The following CEP120 variants were observed in gnomAD, a reference collection of about 807,000 sequenced individuals.
CEP120 encodes the protein centrosomal protein of 120 kDa.
Under a neutral mutation model 126.5 loss-of-function variants are expected in CEP120, and 113 were observed. The ratio of observed to expected loss-of-function variants is 0.89; its 90% CI spans 0.77 to 1.04. CEP120 has a LOEUF of 1.04. Ranked by LOEUF, CEP120 falls within the 50% of genes least tolerant of loss-of-function variation. The probability of loss-of-function intolerance (pLI) is 0.00; values close to 1 mark genes in which losing one functional copy is unlikely to be tolerated. For missense variants in CEP120, 1,230 were observed against 1,155.7 expected (o/e 1.06, Z -0.93); for synonymous variants, 400 against 394.3 (o/e 1.01, Z -0.17).
Position 123,345,327 on chromosome 5 carries a change from C to A in CEP120, c.*1192G>T, listed in dbSNP as rs2126954591. 1 of 152,058 alleles carries A rather than the reference C, an allele frequency of 6.6e-6. No homozygotes were observed. The highest frequency in any genetic ancestry group is 1.9e-4 in the East Asian group (1 of 5,176). 9.4% of individuals were successfully genotyped at this position (152,058 alleles called of 1,614,324 possible). A position where few individuals can be genotyped will look rare whatever the true frequency, so the allele number is the denominator to read the frequency against. ...TTTAATTTCCCTAATAAGAAATATA[C>A]CTCATTTGAAATGACCGAAAATTAA... On this transcript the variant is annotated 3_prime_UTR_variant, in exon 20 of 20. Transcript: ENST00000306467.
chr5:123,417,039 GTTA>G (rs1774432417), intron 2 of CEP120, among the ~76,000 whole-genome samples: 1 of 152,122 alleles, frequency 6.6e-6, no homozygotes. Flanking sequence ...ATCTAGTGGA[GTTA>G]TTATAGAACT....
chr5:123,391,369 T>TA (rs1170327957), intron 6 of CEP120, 32 bp from the exon 7 acceptor site: 1 of 1,482,924 alleles, frequency 6.7e-7, no homozygotes, highest in Admixed American at 1.8e-5. Flanking sequence ...AAAATAGGGC[T>TA]TTATACTTTC....
rs1554098491 is a variant in CEP120, at chr5:123,345,413, C to CTTAA, written c.*1102_*1105dup. On this transcript the variant is annotated 3_prime_UTR_variant, in exon 20 of 20. Transcript: ENST00000306467. ...TATTGGTAACTTCCTAAAGTATATACTTAATTTTAACTTTATTATATTTGG... is the reference window on the plus strand; with the variant it reads ...TATTGGTAACTTCCTAAAGTATATACTTAATTAATTTTAACTTTATTATATTTGG... The CTTAA allele has an allele frequency of 2.0e-5, 3 of 152,144 alleles. No individual in the cohort carries two copies. Among genetic ancestry groups the CTTAA allele is most frequent in the East Asian group, 1.9e-4 (1 of 5,182 alleles). The allele number at this position is 152,144 out of a possible 1,614,324, so 9.4% of individuals were successfully genotyped here.
intron 17 of CEP120, among the ~76,000 whole-genome samples, chr5:123,368,646 T>C (rs975229268): frequency 1.3e-5 from 2 of 151,954 alleles, no homozygotes; most frequent in Non-Finnish European, 2.9e-5. Context: ...TTCAGGGAGA[T>C]GGCTGAGTTT....
At chr5:123,354,361 T>C (rs181779684) in intron 18 of CEP120, among the ~76,000 whole-genome samples, 2 of 152,254 alleles carry the variant, frequency 1.3e-5, no homozygotes, top group East Asian at 3.9e-4. Context: ...CACTAGAAAA[T>C]AGTGTACATT....
chr5:123,378,723 T>A (rs774488226), intron 14 of CEP120, among the ~76,000 whole-genome samples: 44 of 152,054 alleles, frequency 2.9e-4, no homozygotes, highest in Non-Finnish European at 6.3e-4. Context: ...TAATCTAAAT[T>A]TACAGAGGAT....
Position 123,404,138 on chromosome 5 carries a change from A to C in CEP120, c.464-4854T>G, listed in dbSNP as rs151185051. 6.1e-3 allele frequency among the ~76,000 whole-genome samples: 900 copies of C among 148,356 alleles called. 8 individuals are homozygous for C. Among genetic ancestry groups the C allele is most frequent in the African/African-American group, 0.021 (836 of 40,146 alleles). On this transcript the variant is annotated intron_variant, in intron 4 of 19. Coordinates refer to ENST00000306467, the MANE Select transcript of CEP120 (RefSeq NM_001375405.1). The stretch of plus-strand genomic sequence containing the variant: ...GTGCATTAGGTAGTAAATTCCTCTC[A>C]AACAGTCCAGGGAAAAATATTCTTC...
chr5:123,386,713 G>C, intron 9 of CEP120, 46 bp from the exon 10 acceptor site: 1 of 1,273,260 alleles, frequency 7.9e-7, no homozygotes, highest in Non-Finnish European at 1.0e-6. Flanking sequence ...TAATGATATG[G>C]TTTACAGATG....
chr5:123,369,441 C>T (rs932528422), intron 17 of CEP120, among the ~76,000 whole-genome samples: 2 of 151,982 alleles, frequency 1.3e-5, no homozygotes, highest in African/African-American at 4.8e-5. Context: ...TACTATTATA[C>T]TATAACTCTA....
chr5:123,387,630 G>A (rs939481156), intron 9 of CEP120, among the ~76,000 whole-genome samples: 4 of 151,978 alleles, frequency 2.6e-5, no homozygotes, highest in Non-Finnish European at 4.4e-5. Context: ...CTATTAGTCC[G>A]TATCAAATGA....
intron 17 of CEP120, 23 bp from the exon 18 acceptor site, chr5:123,364,617 C>A: frequency 1.4e-6 from 2 of 1,410,160 alleles, no homozygotes; most frequent in South Asian, 2.4e-5. Flanking sequence ...AAAATCATAT[C>A]AAGTGAAACA....
intron 1 of CEP120, 84 bp from the exon 2 acceptor site, chr5:123,418,599 GT>G (rs10544575): frequency 0.082 from 69,270 of 840,060 alleles, 22 homozygotes; most frequent in South Asian, 0.1. Context: ...TGTTTGGCTG[GT>G]TTTTTTTTTT....
intron 5 of CEP120, among the ~76,000 whole-genome samples, chr5:123,396,806 G>A (rs1702063618): frequency 6.6e-6 from 1 of 152,110 alleles, no homozygotes; most frequent in African/African-American, 2.4e-5. Flanking sequence ...AAATGACCAC[G>A]TGGTCAGAAA....
chr5:123,367,812 C>G (rs1001297144), intron 17 of CEP120, among the ~76,000 whole-genome samples: 1 of 151,794 alleles, frequency 6.6e-6, no homozygotes, highest in Non-Finnish European at 1.5e-5. Flanking sequence ...GAAAAGAATA[C>G]GTAATGAGAA....
Position 123,346,693 on chromosome 5 carries a change from C to G in CEP120, c.2787G>C (p.Lys929Asn), listed in dbSNP as rs773869647. The part of the protein sequence containing the change: ...QDSTEIASGK[K>N]DGPHGSVLEE... ...CCAATACACTGCCATGGGGGCCATC[C>G]TTTTTTCCACTTGCAATCTCTGTGG... The change falls in exon 20 of 20, where the codon AAG becomes AAC. Residue 929 changes from lysine (K) to asparagine (N), a missense_variant. Physicochemically the swap from Lys to Asn is moderately conservative, Grantham distance 94. Coordinates refer to ENST00000306467, the MANE Select transcript of CEP120 (RefSeq NM_001375405.1). 1.2e-6 allele frequency: 2 copies of G among 1,613,218 alleles called. No homozygotes were observed. Among genetic ancestry groups the G allele is most frequent in the Non-Finnish European group, 1.7e-6 (2 of 1,179,814 alleles).
intron 14 of CEP120, among the ~76,000 whole-genome samples, chr5:123,379,035 C>CA (rs935574866): frequency 3.4e-5 from 5 of 145,686 alleles, no homozygotes; most frequent in South Asian, 2.2e-4. Flanking sequence ...AAGTGTAGTC[C>CA]AAAAAAAAAA....
chr5:123,352,928 G>C (rs184970835), intron 18 of CEP120, among the ~76,000 whole-genome samples: 9 of 151,840 alleles, frequency 5.9e-5, no homozygotes, highest in Non-Finnish European at 1.2e-4. Flanking sequence ...CTTCCTAATT[G>C]CCTCTAGTAG....
intron 4 of CEP120, among the ~76,000 whole-genome samples, chr5:123,404,764 G>GT (rs1773530877): frequency 6.6e-6 from 1 of 152,266 alleles, no homozygotes; most frequent in African/African-American, 2.4e-5. Flanking sequence ...AGTTTTCCAT[G>GT]TAAGTCTAGG....
Position 123,423,039 on chromosome 5 carries a change from A to T in CEP120, c.-41T>A, listed in dbSNP as rs978400037. Reference sequence around the variant, plus strand: ...TCCGGGGGCGAAGGCGGCTGGGGGGAAGTGAGGTCCAGTTGAGTCGCGGGT... The same window carrying T: ...TCCGGGGGCGAAGGCGGCTGGGGGGTAGTGAGGTCCAGTTGAGTCGCGGGT... On this transcript the variant is annotated 5_prime_UTR_variant, in exon 1 of 20. Coordinates refer to ENST00000306467, the MANE Select transcript of CEP120 (RefSeq NM_001375405.1). The T allele has an allele frequency of 4.4e-6, 7 of 1,575,260 alleles. No homozygotes were observed. The African/African-American group carries it at 5.4e-5, about 12-fold the overall frequency.
Sources: gnomAD v4.1 joint callset for allele counts (sites outside exome capture counted in the v4.1 genomes callset) on GRCh38, gnomAD v4.1.1 for gene constraint, MANE v1.5 for transcripts, NCBI Gene and HGNC (gene_info 2026-07-23, HGNC 2026-07-21) for gene names.